VWA3B: variants seen among roughly 807,000 people sequenced by gnomAD.
VWA3B encodes von Willebrand factor A domain containing 3B, also known as von Willebrand factor A domain-containing protein 3B.
A neutral mutation model predicts 158.3 loss-of-function variants in VWA3B; 138 were observed. The observed-to-expected ratio is 0.87, with a 90% CI of 0.76 to 1.00. The LOEUF (loss-of-function observed/expected upper bound fraction) is 1.00, where lower values mean the gene tolerates loss of function less well. VWA3B is among the 50% of genes least tolerant of loss of function. The probability of loss-of-function intolerance (pLI) is 0.00; values close to 1 mark genes in which losing one functional copy is unlikely to be tolerated. For missense variants in VWA3B, 1,555 were observed against 1,565.1 expected (o/e 0.99, Z 0.11); for synonymous variants, 596 against 587.3 (o/e 1.01, Z -0.21).
rs192106315 is a variant in VWA3B, at chr2:98,195,961, A to C, written c.1737+1469A>C. 2.0e-5 allele frequency among the ~76,000 whole-genome samples: 3 copies of C among 152,224 alleles called. No individual in the cohort carries two copies. In the East Asian group the frequency reaches 5.8e-4, roughly 29 times the overall value. ...AAAAGAAGGAAATCCTGTCATTTGC[A>C]ACCAAATAAATGAACCTGGAGGACA... On this transcript the variant is annotated intron_variant, in intron 12 of 27. Transcript: ENST00000477737.
intron 7 of VWA3B, among the ~76,000 whole-genome samples, chr2:98,151,611 T>G (rs1435937714): frequency 6.6e-6 from 1 of 152,192 alleles, no homozygotes; most frequent in Non-Finnish European, 1.5e-5. Flanking sequence ...GTGATTCCTT[T>G]TTTGGCTTGG....
At chr2:98,114,669 C>T (rs544643219) in intron 2 of VWA3B, among the ~76,000 whole-genome samples, 46 of 152,288 alleles carry the variant, frequency 3.0e-4, no homozygotes, top group African/African-American at 1.1e-3. Context: ...ATAAAATAAT[C>T]ATCCGATAAA....
chr2:98,303,505 A>G (rs1050310672), intron 25 of VWA3B, among the ~76,000 whole-genome samples, 197 bp from the exon 26 acceptor site: 13 of 152,116 alleles, frequency 8.5e-5, no homozygotes, highest in African/African-American at 3.1e-4. Flanking sequence ...GAGAAATGAC[A>G]GAGAGGACTC....
intron 23 of VWA3B, among the ~76,000 whole-genome samples, chr2:98,292,681 G>A (rs1689566733): frequency 6.6e-6 from 1 of 152,154 alleles, no homozygotes; most frequent in African/African-American, 2.4e-5. Flanking sequence ...TACTAAAAGT[G>A]GGGCCAGGTG....
At chr2:98,138,967 G>A (rs369664317) in intron 7 of VWA3B, among the ~76,000 whole-genome samples, 12 of 152,370 alleles carry the variant, frequency 7.9e-5, no homozygotes, top group African/African-American at 2.4e-4. Flanking sequence ...GACCAAGGCC[G>A]GAGTCGGCTC....
intron 9 of VWA3B, among the ~76,000 whole-genome samples, chr2:98,185,444 A>C (rs1169451650): frequency 6.6e-6 from 1 of 152,272 alleles, no homozygotes. Context: ...GGAGAAAAAC[A>C]GCCACGATAT....
chr2:98,186,246 C>T (rs1271906285), intron 9 of VWA3B, among the ~76,000 whole-genome samples: 1 of 145,986 alleles, frequency 6.8e-6, no homozygotes, highest in African/African-American at 2.5e-5. Context: ...TTTGTGACTT[C>T]TCCTTGTCCT....
Position 98,128,348 on chromosome 2 carries a change from A to G in VWA3B, c.812A>G (p.Asn271Ser), listed in dbSNP as rs1445907130. 1 of 1,614,106 alleles carries G rather than the reference A, an allele frequency of 6.2e-7. No homozygotes were observed. The highest frequency in any genetic ancestry group is 1.7e-5 in the Admixed American group (1 of 60,020). ...TGTCCAGTCTACACAGTGTCCTTCA[A>G]CGCCAGAGGAGAAGGCACTATAGCT... ...IPCPVYTVSF[N>S]ARGEGTIAFL... Residue 271 changes from asparagine to serine, a missense_variant, in exon 6 of 28, where the codon AAC becomes AGC. Transcript: ENST00000477737.
downstream of VWA3B, among the ~76,000 whole-genome samples, chr2:98,313,602 G>GTTT (rs780848087): frequency 1.2e-4 from 19 of 152,224 alleles, no homozygotes; most frequent in East Asian, 1.7e-3. Flanking sequence ...ATACGTGCAT[G>GTTT]CATGTGAGCC....
At chr2:98,252,812 A>G (rs1388541397) in intron 20 of VWA3B, among the ~76,000 whole-genome samples, 1 of 152,138 alleles carries the variant, frequency 6.6e-6, no homozygotes, top group Non-Finnish European at 1.5e-5. Context: ...AGCAAAACCA[A>G]AACAAACATA....
intron 8 of VWA3B, among the ~76,000 whole-genome samples, chr2:98,168,366 TACACACACATACACACAC>T (rs951743695): frequency 9.3e-6 from 1 of 107,684 alleles, no homozygotes; most frequent in African/African-American, 3.0e-5. Context: ...TTCAATCTAA[TACACACACATACACACAC>T]ACACACACAC....
intron 21 of VWA3B, among the ~76,000 whole-genome samples, chr2:98,264,656 A>G (rs982610344): frequency 1.3e-5 from 2 of 152,034 alleles, no homozygotes; most frequent in Non-Finnish European, 1.5e-5. Context: ...AGAATATTCC[A>G]TGTGTACTTG....
intron 20 of VWA3B, among the ~76,000 whole-genome samples, chr2:98,250,723 A>G (rs1466057248): frequency 6.6e-6 from 1 of 152,134 alleles, no homozygotes; most frequent in Non-Finnish European, 1.5e-5. Flanking sequence ...ATTGCAATCA[A>G]CAATAATTTA....
the VWA3B span, among the ~76,000 whole-genome samples, chr2:98,323,606 A>G: frequency 6.6e-6 from 1 of 152,140 alleles, no homozygotes; most frequent in Non-Finnish European, 1.5e-5. Flanking sequence ...TCAAAACATG[A>G]TAAACATAAA....
At chr2:98,222,369 A>G (rs767525564) in intron 14 of VWA3B, among the ~76,000 whole-genome samples, 1 of 152,234 alleles carries the variant, frequency 6.6e-6, no homozygotes, top group Non-Finnish European at 1.5e-5. Context: ...GTCCCCACAC[A>G]TATAAGAAGT....
the VWA3B span, among the ~76,000 whole-genome samples, chr2:98,325,705 C>T: frequency 5.3e-5 from 8 of 152,116 alleles, no homozygotes; most frequent in Non-Finnish European, 1.0e-4. Flanking sequence ...AACTATGGCA[C>T]AAATAGGAAC....
At chr2:98,322,075 T>C in the VWA3B span, among the ~76,000 whole-genome samples, 1 of 152,206 alleles carries the variant, frequency 6.6e-6, no homozygotes, top group Admixed American at 6.5e-5. Context: ...TTTTCCTCCC[T>C]TGCCTTCTGC....
chr2:98,186,306 T>A (rs1414766484), intron 9 of VWA3B, among the ~76,000 whole-genome samples: 1 of 151,974 alleles, frequency 6.6e-6, no homozygotes, highest in Non-Finnish European at 1.5e-5. Flanking sequence ...TGATCGCTTC[T>A]CTGTCTACAC....
At chr2:98,193,071 T>G (rs2105423969) in intron 11 of VWA3B, 35 bp downstream of exon 11, 1 of 1,583,070 alleles carries the variant, frequency 6.3e-7, no homozygotes, top group East Asian at 2.2e-5. Flanking sequence ...CATTTGGGGC[T>G]TTGTGTATCA....
Sources: gnomAD v4.1 joint callset for allele counts (sites outside exome capture counted in the v4.1 genomes callset) on GRCh38, gnomAD v4.1.1 for gene constraint, MANE v1.5 for transcripts, NCBI Gene and HGNC (gene_info 2026-07-23, HGNC 2026-07-21) for gene names.